Variants in AGAP1 observed in about 807,000 individuals in gnomAD.
AGAP1 encodes the protein ArfGAP with GTPase domain, ankyrin repeat and PH domain 1.
AGAP1 carries 29 observed loss-of-function variants against 105.3 expected under a neutral mutation model. That is an observed-to-expected ratio of 0.28 (90% CI 0.21 to 0.38). The LOEUF (loss-of-function observed/expected upper bound fraction) is 0.38. Among genes scored for constraint, AGAP1 ranks in the 10% least tolerant of loss-of-function variants. AGAP1 has a pLI of 1.00. For synonymous variants in AGAP1, 509 were observed against 485.9 expected, an observed-to-expected ratio of 1.05 and a Z score of -0.63; for missense variants, 998 against 1,165.1, an observed-to-expected ratio of 0.86 and a Z score of 2.09.
chr2:235,876,687 C>T (rs1358958853), intron 9 of AGAP1, among the ~76,000 whole-genome samples: 2 of 152,318 alleles, frequency 1.3e-5, no homozygotes, highest in Middle Eastern at 3.4e-3. Flanking sequence ...TGGCCCCGCC[C>T]CACCTCACCC....
At chr2:235,767,821 G>T (rs1471872770) in intron 6 of AGAP1, among the ~76,000 whole-genome samples, 2 of 114,798 alleles carry the variant, frequency 1.7e-5, no homozygotes, top group African/African-American at 6.8e-5. Context: ...GTCTCGCTCT[G>T]TCGCCCGGGC....
intron 1 of AGAP1, among the ~76,000 whole-genome samples, chr2:235,500,031 T>C (rs1941496178): frequency 6.6e-6 from 1 of 152,072 alleles, no homozygotes; most frequent in African/African-American, 2.4e-5. Flanking sequence ...CTTTTGGATT[T>C]GGTGGGCTGG....
rs113540594 is a variant in AGAP1 at position 235,684,081 on chromosome 2, G to T, written c.164-25098G>T. Among the ~76,000 whole-genome samples, 244 of 152,030 alleles carry T rather than the reference G, an allele frequency of 1.6e-3. 2 individuals are homozygous for T. The highest frequency in any genetic ancestry group is 5.5e-3 in the African/African-American group (230 of 41,454). ...TTTTGAGATGGAGTCTTGCTCTGTC[G>T]CCCAGGCTGGAATGCAGTCGCACGA... On this transcript the variant is annotated intron_variant, in intron 1 of 17. Coordinates refer to ENST00000304032, the MANE Select transcript of AGAP1 (RefSeq NM_001037131.3).
intron 16 of AGAP1, among the ~76,000 whole-genome samples, chr2:236,071,085 G>C (rs190056648): frequency 6.6e-6 from 1 of 152,246 alleles, no homozygotes. Context: ...GGAAGCCCAC[G>C]GCTTTGCCGG....
At chr2:235,686,937 A>G (rs530175587) in intron 1 of AGAP1, among the ~76,000 whole-genome samples, 17 of 150,750 alleles carry the variant, frequency 1.1e-4, no homozygotes, top group African/African-American at 3.7e-4. Flanking sequence ...TGTTGGGATT[A>G]TGGGCCTGAG....
At chr2:236,008,969 T>A (rs1218403465) in intron 13 of AGAP1, among the ~76,000 whole-genome samples, 3 of 152,194 alleles carry the variant, frequency 2.0e-5, no homozygotes, top group Non-Finnish European at 2.9e-5. Flanking sequence ...CACGGCAAAG[T>A]TATTTTCCTT....
chr2:236,060,501 C>T (rs193289696), intron 16 of AGAP1, among the ~76,000 whole-genome samples: 33 of 152,068 alleles, frequency 2.2e-4, no homozygotes, highest in African/African-American at 8.0e-4. Flanking sequence ...CCAGTCTGGA[C>T]AGCATAGGGA....
chr2:235,848,786 C>T lies in AGAP1; in HGVS notation c.1051-34559C>T, dbSNP rs115368890. 7.4e-3 allele frequency among the ~76,000 whole-genome samples: 1,122 copies of T among 152,310 alleles called. 7 individuals carry two copies. Among genetic ancestry groups the T allele is most frequent in the African/African-American group, 0.026 (1,077 of 41,568 alleles). On this transcript the variant is annotated intron_variant, in intron 9 of 17. Coordinates refer to ENST00000304032, the MANE Select transcript of AGAP1 (RefSeq NM_001037131.3). ...ATCATTTAGTGCTTTAACTTTTCCC[C>T]CCAGCTAGTAAGTATTTGAGGAGTT...
At position 235,867,572 on chromosome 2, in the gene AGAP1, T is replaced by TGTGCGC. The variant is rs1553655422; in HGVS notation, c.1051-15769_1051-15768insGCGTGC. ...GTGTGTGTGTGTGTGTGTGTGTGTG[T>TGTGCGC]GTGCAAGTGAGGGAGGGTGACCCCC... On this transcript the variant is annotated intron_variant, in intron 9 of 17. Transcript: ENST00000304032. This position sits in a 1 kb window ranked among gnomAD's most constrained non-coding sequence, Gnocchi z 5.4. Among the ~76,000 whole-genome samples the TGTGCGC allele has an allele frequency of 2.0e-5, 3 of 148,490 alleles. No individual in the cohort carries two copies. Among genetic ancestry groups the TGTGCGC allele is most frequent in the Middle Eastern group, 3.4e-3 (1 of 292 alleles).
chr2:235,604,704 T>G (rs1167476851), intron 1 of AGAP1, among the ~76,000 whole-genome samples: 1 of 143,566 alleles, frequency 7.0e-6, no homozygotes, highest in Non-Finnish European at 1.5e-5. Flanking sequence ...TGCCTCAGCC[T>G]CCTGAGTAGC....
chr2:235,585,894 G>C (rs996652998), intron 1 of AGAP1, among the ~76,000 whole-genome samples: 5 of 152,232 alleles, frequency 3.3e-5, no homozygotes, highest in Admixed American at 2.6e-4. Context: ...GGAGAGCACA[G>C]GTGAGTTGTT....
Position 235,989,713 on chromosome 2 carries a change from G to T in AGAP1, c.1645+21090G>T, listed in dbSNP as rs1428527461. ...TGAATCAAGGAGCCCAGGAGGACGG[G>T]GAATCCCTGGAGGAGGTGGGTCAGT... On this transcript the variant is annotated intron_variant, in intron 13 of 17. Transcript: ENST00000304032. The surrounding 1 kb of genome is among the most constrained non-coding windows in gnomAD (Gnocchi z 4.4). Among the ~76,000 whole-genome samples the T allele has an allele frequency of 6.6e-6, 1 of 152,186 alleles. No individual in the cohort carries two copies. Among genetic ancestry groups the T allele is most frequent in the South Asian group, 2.1e-4 (1 of 4,834 alleles).
intron 1 of AGAP1, among the ~76,000 whole-genome samples, chr2:235,674,658 T>G (rs1948625555): frequency 1.3e-5 from 2 of 152,158 alleles, no homozygotes; most frequent in Non-Finnish European, 2.9e-5. Context: ...CTGATTCCCT[T>G]GATTTGTATC....
chr2:236,065,019 T>G (rs1254124740), intron 16 of AGAP1, among the ~76,000 whole-genome samples: 1 of 152,010 alleles, frequency 6.6e-6, no homozygotes, highest in Non-Finnish European at 1.5e-5. Flanking sequence ...AAAAAGGAAG[T>G]GGAAGTAAGT....
At position 236,082,200 on chromosome 2, in the gene AGAP1, TACAGCTTC is replaced by T. The variant is rs1286709953; in HGVS notation, c.2114+32921_2114+32928del. Among the ~76,000 whole-genome samples the T allele has an allele frequency of 6.6e-6, 1 of 152,252 alleles. No individual in the cohort carries two copies. The highest frequency in any genetic ancestry group is 1.5e-5 in the Non-Finnish European group (1 of 68,046). On this transcript the variant is annotated intron_variant, in intron 16 of 17. Coordinates refer to ENST00000304032, the MANE Select transcript of AGAP1 (RefSeq NM_001037131.3). This position sits in a 1 kb window ranked among gnomAD's most constrained non-coding sequence, Gnocchi z 4.2. The stretch of plus-strand genomic sequence containing the variant: ...CTATCATTTTTCACCACGGGATATT[TACAGCTTC>T]AATCAGTGCCAAATTCAATTGGCTT...
intron 9 of AGAP1, among the ~76,000 whole-genome samples, chr2:235,827,852 C>T (rs1324525049): frequency 1.3e-5 from 2 of 152,212 alleles, no homozygotes; most frequent in African/African-American, 2.4e-5. Flanking sequence ...GAATGCTTTG[C>T]GCCTGCTGGG....
rs1436861360 is a variant in AGAP1, at chr2:236,119,451, C to A, written c.2115-741C>A. Among the ~76,000 whole-genome samples, 1 of 152,194 alleles carries A rather than the reference C, an allele frequency of 6.6e-6. No individual in the cohort carries two copies. The highest frequency in any genetic ancestry group is 1.5e-5 in the Non-Finnish European group (1 of 68,034). On this transcript the variant is annotated intron_variant, in intron 16 of 17. Transcript: ENST00000304032. This position sits in a 1 kb window ranked among gnomAD's most constrained non-coding sequence, Gnocchi z 6.6. Reference sequence around the variant, plus strand: ...ACCCTCTCCTGCGTGAGTCTGTTGCCATGTTTTCCTCAGCTGAAAGGGTTT... The same window carrying A: ...ACCCTCTCCTGCGTGAGTCTGTTGCAATGTTTTCCTCAGCTGAAAGGGTTT...
intron 2 of AGAP1, among the ~76,000 whole-genome samples, chr2:235,709,461 AG>A (rs1950719165): frequency 6.6e-6 from 1 of 152,100 alleles, no homozygotes; most frequent in Non-Finnish European, 1.5e-5. Flanking sequence ...CCACTCAGCC[AG>A]GGCGGTGTCT....
In AGAP1 at chr2:235,744,726, T is replaced by C. The variant is rs747575442; in HGVS notation, c.425T>C (p.Phe142Ser). ...GCCATGTGGGTGGACGCTGTTATAT[T>C]TGTCTTCAGCTTGGAGGATGAAATA... ...QFAMWVDAVI[F>S]VFSLEDEISF... Residue 142 changes from phenylalanine (F) to serine (S), a missense_variant, in exon 5 of 18, where the codon TTT becomes TCT. Physicochemically the swap from Phe to Ser is radical, Grantham distance 155. Around this residue, in one of 3 missense-constraint regions of AGAP1, gnomAD observed 735 missense variants for 833.4 expected, o/e 0.88. Transcript: ENST00000304032. This position sits in a 1 kb window ranked among gnomAD's most constrained non-coding sequence, Gnocchi z 5.2. 6.2e-7 allele frequency: 1 copy of C among 1,613,956 alleles called. No individual in the cohort carries two copies. Among genetic ancestry groups the C allele is most frequent in the East Asian group, 2.2e-5 (1 of 44,822 alleles).
Sources: allele counts gnomAD v4.1 joint callset (sites outside exome capture counted in the v4.1 genomes callset), GRCh38; gene constraint gnomAD v4.1.1; regional missense constraint gnomAD v4.1.1; non-coding constraint Gnocchi (gnomAD v3.1); transcripts MANE v1.5; gene names NCBI Gene and HGNC (gene_info 2026-07-23, HGNC 2026-07-21).